CBX1: variants seen among roughly 807,000 people sequenced by gnomAD.
CBX1 encodes chromobox 1.
In CBX1, 10 loss-of-function variants were observed where a neutral mutation model predicts 25.1. That is an observed-to-expected ratio of 0.40 (90% CI 0.25 to 0.68). CBX1 has a LOEUF of 0.68. Ranked by LOEUF, CBX1 falls within the 30% of genes least tolerant of loss-of-function variation. The pLI, the probability that CBX1 is intolerant of heterozygous loss-of-function variation, is 0.40. For missense variants in CBX1, 106 were observed against 218.5 expected, an observed-to-expected ratio of 0.49 and a Z score of 3.25; for synonymous variants, 63 against 79.4, an observed-to-expected ratio of 0.79 and a Z score of 1.10.
intron 1 of CBX1, among the ~76,000 whole-genome samples, chr17:48,081,902 G>T (rs1455761258): frequency 6.6e-6 from 1 of 152,068 alleles, no homozygotes; most frequent in Non-Finnish European, 1.5e-5. Flanking sequence ...CCTTCCCAAC[G>T]TGTTTTTTTG....
chr17:48,100,846 C>A lies in CBX1; in HGVS notation c.-38+422G>T, dbSNP rs113104803. 3,450 of 985,700 alleles carry A rather than the reference C, an allele frequency of 3.5e-3. 60 individuals carry two copies. The African/African-American group carries it at 0.047, about 13-fold the overall frequency. The allele number at this position is 985,700 out of a possible 1,614,324, so 61.1% of individuals were successfully genotyped here. On this transcript the variant is annotated intron_variant, in intron 1 of 4. Coordinates refer to ENST00000225603, the MANE Select transcript of CBX1 (RefSeq NM_001127228.2). ...GTTCCTCTGGCAGTCCCAGCCGGAC[C>A]CGGCGTCTTCCGAATACAGTTACAA...
chr17:48,099,887 T>G (rs1464266750), intron 1 of CBX1, among the ~76,000 whole-genome samples: 1 of 152,108 alleles, frequency 6.6e-6, no homozygotes, highest in Non-Finnish European at 1.5e-5. Flanking sequence ...ACGCCTATAA[T>G]CCCAGCACTT....
chr17:48,083,869 T>C (rs1009589944), intron 1 of CBX1, among the ~76,000 whole-genome samples: 1 of 150,618 alleles, frequency 6.6e-6, no homozygotes, highest in Non-Finnish European at 1.5e-5. Flanking sequence ...TGTGAGATTT[T>C]CAAAAGGAGT....
At chr17:48,073,058 G>A (rs1024099701) in intron 4 of CBX1, among the ~76,000 whole-genome samples, 6 of 151,858 alleles carry the variant, frequency 4.0e-5, no homozygotes, top group Admixed American at 3.9e-4. Flanking sequence ...GGAGGTGGAG[G>A]TTGTAGTGAA....
At chr17:48,095,069 GA>G (rs1393642708) in intron 1 of CBX1, among the ~76,000 whole-genome samples, 6 of 151,654 alleles carry the variant, frequency 4.0e-5, no homozygotes, top group Admixed American at 2.6e-4. Flanking sequence ...AAAGAAAAAA[GA>G]AAGTAGTGTG....
chr17:48,096,418 G>C (rs2063375193), intron 1 of CBX1: 1 of 972,468 alleles, frequency 1.0e-6, no homozygotes, highest in Admixed American at 6.2e-5. Flanking sequence ...GTGAATTTAA[G>C]ATAAAATAAA....
chr17:48,096,253 A>T, intron 1 of CBX1: 1 of 573,162 alleles, frequency 1.7e-6, no homozygotes, highest in Non-Finnish European at 2.2e-6. Context: ...GTGTGCGAAT[A>T]CATTTTGAAT....
intron 4 of CBX1, among the ~76,000 whole-genome samples, chr17:48,073,759 G>A (rs368252793): frequency 3.3e-5 from 5 of 149,656 alleles, no homozygotes; most frequent in East Asian, 2.0e-4. Flanking sequence ...CCGGAGGGGC[G>A]GAGGTTGCAG....
intron 1 of CBX1, among the ~76,000 whole-genome samples, chr17:48,082,631 G>A (rs1311615826): frequency 6.7e-6 from 1 of 149,396 alleles, no homozygotes; most frequent in Non-Finnish European, 1.5e-5. Flanking sequence ...CCACCTCCCA[G>A]GTTCAAATGA....
intron 1 of CBX1, among the ~76,000 whole-genome samples, chr17:48,099,881 C>G (rs913572981): frequency 6.6e-6 from 1 of 152,108 alleles, no homozygotes; most frequent in Non-Finnish European, 1.5e-5. Flanking sequence ...TGGCTCACGC[C>G]TATAATCCCA....
intron 3 of CBX1, 97 bp downstream of exon 3, chr17:48,075,904 A>G: frequency 1.1e-6 from 1 of 918,448 alleles, no homozygotes; most frequent in South Asian, 1.9e-5. Flanking sequence ...CAGGACTAAG[A>G]AGAGACAGCT....
intron 1 of CBX1, among the ~76,000 whole-genome samples, chr17:48,099,170 T>C (rs4794443): frequency 0.73 from 110,897 of 151,864 alleles, 41,144 homozygotes; most frequent in Admixed American, 0.82. Flanking sequence ...GGTGCAGATC[T>C]CGGCTCACTG....
At chr17:48,074,911 G>A in intron 4 of CBX1, 95 bp downstream of exon 4, 1 of 880,300 alleles carries the variant, frequency 1.1e-6, no homozygotes, top group Non-Finnish European at 1.9e-6. Flanking sequence ...TCACACTTGG[G>A]TGATTGGAAT....
chr17:48,100,763 G>A, intron 1 of CBX1: 1 of 985,356 alleles, frequency 1.0e-6, no homozygotes, highest in Non-Finnish European at 1.2e-6. Context: ...ACCTTGTGCG[G>A]CCCTGGGCCC....
intron 1 of CBX1, among the ~76,000 whole-genome samples, chr17:48,082,277 C>T (rs2037745973): frequency 6.6e-6 from 1 of 151,680 alleles, no homozygotes. Flanking sequence ...CTGAGGTGGG[C>T]AGATCACGAG....
intron 1 of CBX1, among the ~76,000 whole-genome samples, chr17:48,094,902 C>A (rs2063364933): frequency 6.6e-6 from 1 of 151,596 alleles, no homozygotes; most frequent in South Asian, 2.1e-4. Flanking sequence ...CAAAAATTAG[C>A]CAGGTGTGGT....
chr17:48,099,326 G>A (rs2063394391), intron 1 of CBX1, among the ~76,000 whole-genome samples: 1 of 152,080 alleles, frequency 6.6e-6, no homozygotes, highest in African/African-American at 2.4e-5. Context: ...GGATGGTCTC[G>A]ATCTCTTGAC....
chr17:48,077,433 GTTTT>G (rs113914818), intron 1 of CBX1, among the ~76,000 whole-genome samples: 1 of 128,840 alleles, frequency 7.8e-6, no homozygotes, highest in Non-Finnish European at 1.6e-5. Context: ...AATTTTTGTT[GTTTT>G]TTTTTTTGTT....
intron 1 of CBX1, among the ~76,000 whole-genome samples, chr17:48,087,975 A>AT (rs1242821742): frequency 1.6e-4 from 24 of 152,054 alleles, no homozygotes; most frequent in Non-Finnish European, 2.5e-4. Flanking sequence ...AAAGCAGTTA[A>AT]TTTTTTCTAA....
Sources: gnomAD v4.1 joint callset for allele counts (sites outside exome capture counted in the v4.1 genomes callset) on GRCh38, gnomAD v4.1.1 for gene constraint, MANE v1.5 for transcripts, NCBI Gene and HGNC (gene_info 2026-07-23, HGNC 2026-07-21) for gene names.